The following TAFA2 variants were observed in gnomAD, a reference collection of about 807,000 sequenced individuals.
TAFA2 encodes chemokine-like protein TAFA-2.
A neutral mutation model predicts 18.8 loss-of-function variants in TAFA2; 7 were observed. That is an observed-to-expected ratio of 0.37 (90% CI 0.21 to 0.70). The LOEUF is 0.70. Among genes scored for constraint, TAFA2 ranks in the 30% least tolerant of loss-of-function variants. The pLI is 0.53. For synonymous variants in TAFA2, 60 were observed against 54.2 expected (o/e 1.11, Z -0.47); for missense variants, 122 against 158.1 (o/e 0.77, Z 1.23).
intron 2 of TAFA2, among the ~76,000 whole-genome samples, chr12:61,826,401 T>C (rs1256725438): frequency 6.6e-6 from 1 of 151,674 alleles, no homozygotes; most frequent in Non-Finnish European, 1.5e-5. Context: ...AGAAAATTGA[T>C]GTAAAATAGC....
chr12:61,713,016 ATCT>A (rs1218019765), intron 4 of TAFA2, among the ~76,000 whole-genome samples: 2 of 152,186 alleles, frequency 1.3e-5, no homozygotes, highest in Non-Finnish European at 2.9e-5. Flanking sequence ...GAATGTATAA[ATCT>A]TTAACAAGAG....
At chr12:62,240,908 C>T in intron 1 of TAFA2, among the ~76,000 whole-genome samples, 1 of 151,992 alleles carries the variant, frequency 6.6e-6, no homozygotes, top group East Asian at 1.9e-4. Flanking sequence ...AGTTGCATGC[C>T]CCTTATGAGA....
chr12:62,259,186 A>G (rs1474617434), upstream of TAFA2: 1 of 152,372 alleles, frequency 6.6e-6, no homozygotes, highest in Non-Finnish European at 1.5e-5. Context: ...ATTCCGGCCC[A>G]TCTTTTAGAC....
At chr12:62,212,503 G>A (rs61919219) in intron 1 of TAFA2, among the ~76,000 whole-genome samples, 257 of 152,180 alleles carry the variant, frequency 1.7e-3, no homozygotes, top group Non-Finnish European at 2.9e-3. Context: ...GACACTTTTC[G>A]AGCTTGCAAA....
intron 1 of TAFA2, among the ~76,000 whole-genome samples, chr12:61,908,331 G>T (rs554405373): frequency 2.6e-5 from 4 of 152,086 alleles, no homozygotes; most frequent in African/African-American, 9.7e-5. Flanking sequence ...TAAATGCCAT[G>T]AAATCTGATG....
At chr12:62,032,014 A>C (rs1881471937) in intron 1 of TAFA2, among the ~76,000 whole-genome samples, 1 of 152,210 alleles carries the variant, frequency 6.6e-6, no homozygotes, top group Non-Finnish European at 1.5e-5. Context: ...CTTGCCTCCT[A>C]TTATCAGACT....
In TAFA2 at chr12:62,014,274, T is replaced by C. The variant is rs111801666; in HGVS notation, c.-1-146848A>G. On this transcript the variant is annotated intron_variant, in intron 1 of 4. Transcript: ENST00000416284. ...TACCAAAATTTACTACCCAATAAGA[T>C]AGTATTTTAACCAGTGTTGCTGCAT... Among the ~76,000 whole-genome samples, 504 of 152,310 alleles carry C rather than the reference T, an allele frequency of 3.3e-3. 1 individual carries two copies. The highest frequency in any genetic ancestry group is 0.011 in the African/African-American group (473 of 41,554).
At chr12:61,912,029 T>C (rs558832349) in intron 1 of TAFA2, among the ~76,000 whole-genome samples, 1 of 152,338 alleles carries the variant, frequency 6.6e-6, no homozygotes, top group East Asian at 1.9e-4. Flanking sequence ...ATACTGATAG[T>C]TGCAATTTAT....
At chr12:61,843,024 G>A in intron 2 of TAFA2, among the ~76,000 whole-genome samples, 1 of 152,008 alleles carries the variant, frequency 6.6e-6, no homozygotes, top group East Asian at 1.9e-4. Context: ...ACATGCAGAG[G>A]GGAAGTTGAG....
intron 1 of TAFA2, chr12:61,880,185 AC>A: frequency 1.9e-6 from 1 of 532,288 alleles, no homozygotes. Context: ...AAGTATGAGG[AC>A]CTGCAGATGC....
At chr12:62,254,972 G>T (rs2062931387) in intron 1 of TAFA2, among the ~76,000 whole-genome samples, 1 of 152,176 alleles carries the variant, frequency 6.6e-6, no homozygotes. Flanking sequence ...CTATATAGCT[G>T]CAGAATCACT....
intron 1 of TAFA2, among the ~76,000 whole-genome samples, chr12:61,959,607 C>A (rs981844572): frequency 2.6e-5 from 4 of 151,962 alleles, no homozygotes; most frequent in African/African-American, 9.7e-5. Flanking sequence ...AGAAGTAGAG[C>A]AACAACATGG....
intron 4 of TAFA2, among the ~76,000 whole-genome samples, chr12:61,744,471 A>T (rs768733152): frequency 6.6e-6 from 1 of 152,114 alleles, no homozygotes; most frequent in Non-Finnish European, 1.5e-5. Flanking sequence ...TAACTCTTTA[A>T]ACAAATACCA....
At chr12:61,803,905 T>C (rs35923169) in intron 2 of TAFA2, among the ~76,000 whole-genome samples, 16,831 of 151,928 alleles carry the variant, frequency 0.11, 1,130 homozygotes, top group East Asian at 0.19. Context: ...AAAATGACAA[T>C]AGCTATAATT....
intron 1 of TAFA2, among the ~76,000 whole-genome samples, chr12:62,047,715 T>C (rs960477216): frequency 6.6e-6 from 1 of 152,198 alleles, no homozygotes; most frequent in East Asian, 1.9e-4. Context: ...ATAAAAGAAT[T>C]GTCATTTTAC....
intron 1 of TAFA2, among the ~76,000 whole-genome samples, chr12:62,167,486 T>C (rs911450751): frequency 1.1e-4 from 16 of 152,098 alleles, no homozygotes; most frequent in Middle Eastern, 3.2e-3. Context: ...ATAAAACAAA[T>C]AAACAATTAT....
chr12:61,816,937 T>C (rs1055925556), intron 2 of TAFA2, among the ~76,000 whole-genome samples: 1 of 151,308 alleles, frequency 6.6e-6, no homozygotes, highest in Non-Finnish European at 1.5e-5. Context: ...ATTATATATA[T>C]TGTAATAGTA....
intron 1 of TAFA2, among the ~76,000 whole-genome samples, chr12:62,203,352 T>C (rs994042060): frequency 3.1e-4 from 47 of 152,378 alleles, no homozygotes; most frequent in South Asian, 2.1e-3. Context: ...ATTTATCAGG[T>C]CCACTTGATC....
chr12:62,200,477 G>C (rs1407063144), intron 1 of TAFA2, among the ~76,000 whole-genome samples: 2 of 152,168 alleles, frequency 1.3e-5, no homozygotes, highest in Admixed American at 1.3e-4. Context: ...CATATGGCTA[G>C]CCAGTTATCC....
Sources: allele counts gnomAD v4.1 joint callset (sites outside exome capture counted in the v4.1 genomes callset), GRCh38; gene constraint gnomAD v4.1.1; transcripts MANE v1.5; gene names NCBI Gene and HGNC (gene_info 2026-07-23, HGNC 2026-07-21).